DIP2C: variants seen among roughly 807,000 people sequenced by gnomAD.
DIP2C encodes disco-interacting protein 2 homolog C.
In DIP2C, 33 loss-of-function variants were observed where a neutral mutation model predicts 192.4. The ratio of observed to expected loss-of-function variants is 0.17; its 90% confidence interval spans 0.13 to 0.23. The LOEUF is 0.23. Among genes scored for constraint, DIP2C ranks in the 10% least tolerant of loss-of-function variants. The pLI is 1.00. For synonymous variants in DIP2C, 979 were observed against 864.1 expected (o/e 1.13, Z -2.33); for missense variants, 1,537 against 2,110.1 (o/e 0.73, Z 5.32).
chr10:547,701 G>T (rs996479927), intron 1 of DIP2C, among the ~76,000 whole-genome samples: 1 of 152,210 alleles, frequency 6.6e-6, no homozygotes, highest in Non-Finnish European at 1.5e-5. Flanking sequence ...GAGAACTGAT[G>T]ATGACCACGT....
At chr10:683,563 T>C (rs1415358713) in intron 1 of DIP2C, among the ~76,000 whole-genome samples, 1 of 152,170 alleles carries the variant, frequency 6.6e-6, no homozygotes, top group Non-Finnish European at 1.5e-5. Flanking sequence ...AAGGGCGCCA[T>C]AGACGTTCCA....
At chr10:389,887 A>G (rs1963315542) in intron 13 of DIP2C, 104 bp downstream of exon 13, 5 of 916,864 alleles carry the variant, frequency 5.5e-6, no homozygotes, top group Non-Finnish European at 8.5e-6. Context: ...GCTGGGCACA[A>G]ACTTCACGCT....
Position 651,245 on chromosome 10 carries a change from C to A in DIP2C, c.85+38249G>T. On this transcript the variant is annotated intron_variant, in intron 1 of 36. Transcript: ENST00000280886. This position sits in a 1 kb window ranked among gnomAD's most constrained non-coding sequence, Gnocchi z 4.1. ...CATCACACCAATGATGGCGTCACAG[C>A]GTGGGTTCCGGTCACCAGTCGGCCT... 1 of 716,230 alleles carries A rather than the reference C, an allele frequency of 1.4e-6. No individual in the cohort carries two copies. The highest frequency in any genetic ancestry group is 1.5e-5 in the South Asian group (1 of 67,606). 44.4% of individuals were successfully genotyped at this position (716,230 alleles called of 1,614,324 possible).
chr10:638,071 G>A (rs184200442), intron 1 of DIP2C, among the ~76,000 whole-genome samples: 7 of 152,274 alleles, frequency 4.6e-5, no homozygotes, highest in Non-Finnish European at 8.8e-5. Flanking sequence ...ACACAGCCCC[G>A]GCCAGGTGTG....
chr10:285,644 G>A lies in DIP2C; in HGVS notation c.4119+629C>T, dbSNP rs79374776. Among the ~76,000 whole-genome samples, 182 of 152,386 alleles carry A rather than the reference G, an allele frequency of 1.2e-3. 4 individuals carry two copies. In the East Asian group the frequency reaches 0.032, roughly 27 times the overall value. On this transcript the variant is annotated intron_variant, in intron 34 of 36. Coordinates refer to ENST00000280886, the MANE Select transcript of DIP2C (RefSeq NM_014974.3). Reference sequence around the variant, plus strand: ...TGGCCTCTCGGACTGGGGACGCCCAGCAGTGCCAGGGCCTGCTTGAGATGA... The same window carrying A: ...TGGCCTCTCGGACTGGGGACGCCCAACAGTGCCAGGGCCTGCTTGAGATGA...
intron 1 of DIP2C, among the ~76,000 whole-genome samples, chr10:640,791 G>C (rs1011483882): frequency 5.3e-5 from 8 of 151,578 alleles, no homozygotes; most frequent in African/African-American, 7.3e-5. Flanking sequence ...AAGAGGGTGC[G>C]CAGGCTCCGA....
intron 9 of DIP2C, among the ~76,000 whole-genome samples, chr10:406,721 G>C (rs944021337): frequency 1.3e-5 from 2 of 152,082 alleles, no homozygotes; most frequent in East Asian, 3.9e-4. Context: ...TTAGCTACAA[G>C]ATTAGAAATT....
At chr10:305,294 AAC>A (rs1189795704) in intron 32 of DIP2C, among the ~76,000 whole-genome samples, 2 of 152,176 alleles carry the variant, frequency 1.3e-5, no homozygotes, top group Non-Finnish European at 2.9e-5. Flanking sequence ...ACACTTGCAA[AAC>A]ACACATGCAT....
intron 17 of DIP2C, among the ~76,000 whole-genome samples, chr10:375,340 T>C (rs141401036): frequency 2.6e-4 from 40 of 152,330 alleles, no homozygotes; most frequent in African/African-American, 9.6e-4. Context: ...TCTGCCATGA[T>C]CATAAGCTTC....
chr10:351,040 G>A (rs1365062859), intron 24 of DIP2C, among the ~76,000 whole-genome samples: 3 of 151,872 alleles, frequency 2.0e-5, no homozygotes, highest in African/African-American at 4.9e-5. Flanking sequence ...GGGACCGGAC[G>A]CTGTGATTCA....
chr10:333,395 AGTC>A (rs1957588741), intron 29 of DIP2C, among the ~76,000 whole-genome samples: 3 of 152,272 alleles, frequency 2.0e-5, no homozygotes, highest in Non-Finnish European at 2.9e-5. Context: ...CCCTAGCCCC[AGTC>A]ATCATTCTAC....
At chr10:507,551 G>A (rs569812384) in intron 1 of DIP2C, among the ~76,000 whole-genome samples, 1 of 152,184 alleles carries the variant, frequency 6.6e-6, no homozygotes, top group Non-Finnish European at 1.5e-5. Context: ...AGGCGTGCGA[G>A]GTTAGGGACT....
intron 32 of DIP2C, among the ~76,000 whole-genome samples, chr10:297,766 T>A (rs563923781): frequency 1.3e-5 from 2 of 152,140 alleles, no homozygotes; most frequent in African/African-American, 4.8e-5. Context: ...AGGATGACTA[T>A]AACTAACAGT....
intron 1 of DIP2C, among the ~76,000 whole-genome samples, chr10:527,393 C>T (rs1017743275): frequency 1.3e-5 from 2 of 152,174 alleles, no homozygotes; most frequent in African/African-American, 2.4e-5. Context: ...TGACTTCAGC[C>T]GCTGCTTTTG....
intron 1 of DIP2C, among the ~76,000 whole-genome samples, chr10:497,804 C>T (rs1844949486): frequency 6.6e-6 from 1 of 152,194 alleles, no homozygotes; most frequent in Admixed American, 6.5e-5. Flanking sequence ...AGTTGAAATG[C>T]AAAATGCAAG....
chr10:628,069 C>T (rs1854302480), intron 1 of DIP2C, among the ~76,000 whole-genome samples: 1 of 152,232 alleles, frequency 6.6e-6, no homozygotes, highest in South Asian at 2.1e-4. Context: ...ATGCAGGCCT[C>T]ACTCACCACT....
intron 1 of DIP2C, among the ~76,000 whole-genome samples, chr10:523,314 CCACACACT>C: frequency 1.3e-5 from 2 of 151,130 alleles, no homozygotes; most frequent in African/African-American, 2.4e-5. Flanking sequence ...TCTGTGTGAC[CCACACACT>C]CGTTTCTACC....
At chr10:544,461 T>C (rs528621961) in intron 1 of DIP2C, among the ~76,000 whole-genome samples, 5 of 152,216 alleles carry the variant, frequency 3.3e-5, no homozygotes, top group Non-Finnish European at 5.9e-5. Context: ...GGGAGTGAAA[T>C]TGCTGGGTCG....
At chr10:447,079 C>G (rs1234420475) in intron 3 of DIP2C, among the ~76,000 whole-genome samples, 2 of 152,236 alleles carry the variant, frequency 1.3e-5, no homozygotes, top group African/African-American at 4.8e-5. Context: ...AGGGAGCCAG[C>G]ACCAGCCCAA....
Sources: gnomAD v4.1 joint callset for allele counts (sites outside exome capture counted in the v4.1 genomes callset) on GRCh38, gnomAD v4.1.1 for gene constraint, Gnocchi (gnomAD v3.1) non-coding constraint, MANE v1.5 for transcripts, NCBI Gene and HGNC (gene_info 2026-07-23, HGNC 2026-07-21) for gene names.